Variants in PPP2R5E observed in about 807,000 individuals in gnomAD.
The protein encoded by PPP2R5E is serine/threonine-protein phosphatase 2A 56 kDa regulatory subunit epsilon isoform.
Under a neutral mutation model 65.3 loss-of-function variants are expected in PPP2R5E, and 4 were observed. The observed-to-expected ratio is 0.06, with a 90% CI of 0.03 to 0.14. PPP2R5E has a LOEUF of 0.14. PPP2R5E is among the 10% of genes least tolerant of loss of function. The probability of loss-of-function intolerance (pLI) is 1.00; values close to 1 mark genes in which losing one functional copy is unlikely to be tolerated. For missense variants in PPP2R5E, 274 were observed against 556.1 expected, an observed-to-expected ratio of 0.49 and a Z score of 5.10; for synonymous variants, 183 against 187.4, an observed-to-expected ratio of 0.98 and a Z score of 0.19.
At chr14:63,384,993 C>T (rs1594812294) in intron 11 of PPP2R5E, among the ~76,000 whole-genome samples, 1 of 151,858 alleles carries the variant, frequency 6.6e-6, no homozygotes, top group Admixed American at 6.5e-5. Context: ...CCGTGCCTGG[C>T]CCACATTTTA....
At chr14:63,488,531 G>A (rs144210846) in intron 2 of PPP2R5E, among the ~76,000 whole-genome samples, 1 of 151,966 alleles carries the variant, frequency 6.6e-6, no homozygotes, top group Admixed American at 6.6e-5. Flanking sequence ...GAATCCCCTA[G>A]ACTCTATAAT....
chr14:63,534,505 C>A (rs1353429789), intron 2 of PPP2R5E, among the ~76,000 whole-genome samples: 1 of 152,188 alleles, frequency 6.6e-6, no homozygotes, highest in East Asian at 1.9e-4. Flanking sequence ...CTCAAATGAC[C>A]CGCCCCCTGT....
At chr14:63,519,235 G>A (rs1035212502) in intron 2 of PPP2R5E, among the ~76,000 whole-genome samples, 8 of 152,008 alleles carry the variant, frequency 5.3e-5, no homozygotes, top group South Asian at 4.2e-4. Flanking sequence ...AAAAAAATAC[G>A]TAAACATGAG....
At chr14:63,430,519 CT>C (rs1475939108) in intron 3 of PPP2R5E, among the ~76,000 whole-genome samples, 1 of 152,098 alleles carries the variant, frequency 6.6e-6, no homozygotes, top group Admixed American at 6.5e-5. Context: ...CGTCAAGTTA[CT>C]TTTGGTAACA....
At chr14:63,415,313 T>A in intron 4 of PPP2R5E, 81 bp from the exon 5 acceptor site, 1 of 935,122 alleles carries the variant, frequency 1.1e-6, no homozygotes, top group Non-Finnish European at 1.6e-6. Flanking sequence ...CCTGTAACAC[T>A]AAAAGTGACA....
chr14:63,537,743 C>A (rs1241962792), intron 2 of PPP2R5E, among the ~76,000 whole-genome samples: 1 of 152,106 alleles, frequency 6.6e-6, no homozygotes, highest in Non-Finnish European at 1.5e-5. Flanking sequence ...AACTAGCAAA[C>A]CAGGTTGCCT....
At chr14:63,432,586 G>A (rs978233101) in intron 3 of PPP2R5E, among the ~76,000 whole-genome samples, 1 of 152,096 alleles carries the variant, frequency 6.6e-6, no homozygotes, top group Non-Finnish European at 1.5e-5. Context: ...AAAGGATTTT[G>A]TCTTTTGTTT....
At chr14:63,422,150 C>T in intron 3 of PPP2R5E, 56 bp from the exon 4 acceptor site, 4 of 1,455,074 alleles carry the variant, frequency 2.7e-6, no homozygotes, top group Non-Finnish European at 2.9e-6. Flanking sequence ...CAGTTTTACA[C>T]AAGGTCCTTG....
chr14:63,511,724 G>A (rs1394853452), intron 2 of PPP2R5E, among the ~76,000 whole-genome samples: 4 of 152,100 alleles, frequency 2.6e-5, no homozygotes, highest in Non-Finnish European at 5.9e-5. Flanking sequence ...ATAAATCACC[G>A]TGTAGCTCAT....
chr14:63,533,971 T>A (rs72716311), intron 2 of PPP2R5E, among the ~76,000 whole-genome samples: 4,676 of 151,988 alleles, frequency 0.031, 95 homozygotes, highest in East Asian at 0.045. Context: ...ACAAAAGAAA[T>A]AACAATGCTA....
rs200380643 is a variant in PPP2R5E, at chr14:63,539,500, A to G, written c.157+29T>C. The G allele has an allele frequency of 9.4e-6, 15 of 1,593,556 alleles. No individual in the cohort carries two copies. The East Asian group carries it at 3.4e-4, about 36-fold the overall frequency. On this transcript the variant is annotated intron_variant, in intron 2 of 13. Coordinates refer to ENST00000337537, the MANE Select transcript of PPP2R5E (RefSeq NM_006246.5). ...TAGATGTAGAAAGATCAATTGAAAAAGAATGCATCACCTGGTCATGAGCCT... is the reference window on the plus strand; with the variant it reads ...TAGATGTAGAAAGATCAATTGAAAAGGAATGCATCACCTGGTCATGAGCCT...
chr14:63,428,935 T>C (rs1887481359), intron 3 of PPP2R5E, among the ~76,000 whole-genome samples: 1 of 152,210 alleles, frequency 6.6e-6, no homozygotes, highest in South Asian at 2.1e-4. Flanking sequence ...AAGGAAAATA[T>C]TATAATAGAA....
intron 5 of PPP2R5E, among the ~76,000 whole-genome samples, chr14:63,414,370 C>T (rs1020943080): frequency 3.9e-5 from 6 of 152,052 alleles, no homozygotes; most frequent in African/African-American, 1.2e-4. Context: ...TTCTTCTTAC[C>T]GGCTTACTAG....
chr14:63,509,269 T>C (rs1892353193), intron 2 of PPP2R5E, among the ~76,000 whole-genome samples: 1 of 54,942 alleles, frequency 1.8e-5, no homozygotes, highest in Non-Finnish European at 3.1e-5. Context: ...AAAATATCCT[T>C]TTTTTTTTTT....
intron 3 of PPP2R5E, among the ~76,000 whole-genome samples, chr14:63,438,072 C>T: frequency 6.6e-6 from 1 of 152,210 alleles, no homozygotes; most frequent in East Asian, 1.9e-4. Context: ...TTCTTGTTTT[C>T]CTACAGATCA....
chr14:63,377,126 G>T (rs1429672021), intron 13 of PPP2R5E, among the ~76,000 whole-genome samples: 1 of 151,618 alleles, frequency 6.6e-6, no homozygotes, highest in Non-Finnish European at 1.5e-5. Context: ...TCCAGTCTGG[G>T]GGACAGAGCA....
chr14:63,415,157 G>T lies in PPP2R5E; in HGVS notation c.532C>A (p.Gln178Lys). The change falls in exon 5 of 14, where the codon CAG becomes AAG. Residue 178 changes from glutamine to lysine, a missense_variant. Transcript: ENST00000337537. ...QPSIAKKYID[Q>K]KFVLQLLELF... Reference sequence around the variant, plus strand: ...TTGCTTACCTGTAATACAAATTTCTGATCTATATATTTTTTGGCAATGCTG... The same window carrying T: ...TTGCTTACCTGTAATACAAATTTCTTATCTATATATTTTTTGGCAATGCTG... 1 of 1,588,528 alleles carries T rather than the reference G, an allele frequency of 6.3e-7. No individual in the cohort carries two copies. The highest frequency in any genetic ancestry group is 1.1e-5 in the South Asian group (1 of 90,238).
At chr14:63,433,730 G>A (rs1371779964) in intron 3 of PPP2R5E, among the ~76,000 whole-genome samples, 1 of 152,184 alleles carries the variant, frequency 6.6e-6, no homozygotes, top group Admixed American at 6.5e-5. Context: ...TAGCTACCTG[G>A]TTTTGGGAGA....
At chr14:63,382,715 T>C (rs1039363972) in intron 12 of PPP2R5E, among the ~76,000 whole-genome samples, 13 of 152,188 alleles carry the variant, frequency 8.5e-5, no homozygotes, top group East Asian at 1.9e-4. Flanking sequence ...CTTCTAATTA[T>C]TGGCACCCAG....
Sources: gnomAD v4.1 joint callset for allele counts (sites outside exome capture counted in the v4.1 genomes callset) on GRCh38, gnomAD v4.1.1 for gene constraint, MANE v1.5 for transcripts, NCBI Gene and HGNC (gene_info 2026-07-23, HGNC 2026-07-21) for gene names.